Variants in GFRA2 observed in about 807,000 individuals in gnomAD.
GFRA2 encodes GDNF family receptor alpha 2.
GFRA2 carries 17 observed loss-of-function variants against 48.3 expected under a neutral mutation model. That is an observed-to-expected ratio of 0.35 (90% CI 0.24 to 0.53). The LOEUF is 0.53. GFRA2 is among the 20% of genes least tolerant of loss of function. The pLI is 0.93. For missense variants in GFRA2, 660 were observed against 637.3 expected (o/e 1.04, Z -0.38); for synonymous variants, 305 against 257.2 (o/e 1.19, Z -1.78).
intron 4 of GFRA2, among the ~76,000 whole-genome samples, chr8:21,729,494 A>C (rs1217272936): frequency 6.6e-6 from 1 of 152,118 alleles, no homozygotes; most frequent in Non-Finnish European, 1.5e-5. Flanking sequence ...TGGGCCTGGG[A>C]GACGCCCCCC....
At chr8:21,776,739 G>A in intron 2 of GFRA2, among the ~76,000 whole-genome samples, 1 of 152,116 alleles carries the variant, frequency 6.6e-6, no homozygotes, top group East Asian at 1.9e-4. Flanking sequence ...CTAAAGTGCT[G>A]GGATTACAGG....
chr8:21,756,746 G>A (rs1442786720), intron 3 of GFRA2, among the ~76,000 whole-genome samples: 1 of 152,196 alleles, frequency 6.6e-6, no homozygotes, highest in Non-Finnish European at 1.5e-5. Context: ...CAAAGGGCAG[G>A]AAATGGGGAT....
chr8:21,756,464 C>T (rs10102555), intron 3 of GFRA2, among the ~76,000 whole-genome samples: 3 of 152,184 alleles, frequency 2.0e-5, no homozygotes, highest in Middle Eastern at 3.4e-3. Context: ...AAGGAGGCAG[C>T]CTGCGCTGCG....
At chr8:21,696,953 A>C (rs1802211751) in intron 7 of GFRA2, among the ~76,000 whole-genome samples, 4 of 126,926 alleles carry the variant, frequency 3.2e-5, no homozygotes, top group East Asian at 5.0e-4. Context: ...GGGGGAGGGG[A>C]CAGAGGAAAG....
chr8:21,745,828 G>A (rs1223907073), intron 4 of GFRA2, among the ~76,000 whole-genome samples: 2 of 152,118 alleles, frequency 1.3e-5, no homozygotes, highest in East Asian at 1.9e-4. Context: ...TTCCAGGCCC[G>A]GCCCAGGGAA....
intron 4 of GFRA2, among the ~76,000 whole-genome samples, chr8:21,742,987 G>A (rs1804827703): frequency 6.6e-6 from 1 of 152,210 alleles, no homozygotes; most frequent in South Asian, 2.1e-4. Flanking sequence ...GTAAACTAGA[G>A]CTCTGATTTG....
intron 3 of GFRA2, among the ~76,000 whole-genome samples, chr8:21,759,544 G>GGAGGGAA (rs1805792066): frequency 1.2e-5 from 1 of 82,718 alleles, no homozygotes; most frequent in South Asian, 3.7e-4. Flanking sequence ...GAAGGAAGGA[G>GGAGGGAA]GGAAGGAAGG....
At chr8:21,735,361 G>A (rs1804400634) in intron 4 of GFRA2, among the ~76,000 whole-genome samples, 1 of 151,964 alleles carries the variant, frequency 6.6e-6, no homozygotes, top group Admixed American at 6.6e-5. Context: ...GAAAGATGTG[G>A]AAACCAAGCC....
chr8:21,710,533 C>G (rs578110988), intron 4 of GFRA2, among the ~76,000 whole-genome samples: 30 of 152,332 alleles, frequency 2.0e-4, no homozygotes, highest in African/African-American at 7.0e-4. Flanking sequence ...GGCCTCCTGA[C>G]CCCACCGTCC....
At position 21,782,807 on chromosome 8, in the gene GFRA2, C is replaced by G; in HGVS notation, c.133G>C (p.Glu45Gln). 6.3e-7 allele frequency: 1 copy of G among 1,579,032 alleles called. No individual in the cohort carries two copies. The highest frequency in any genetic ancestry group is 1.1e-5 in the South Asian group (1 of 87,022). The change falls in exon 2 of 9, where the codon GAG becomes CAG. Residue 45 changes from glutamate to glutamine, a missense_variant. Coordinates refer to ENST00000524240, the MANE Select transcript of GFRA2 (RefSeq NM_001495.5). ...CAGTTGGATTCGGCGGCACACAGCT[C>G]ATTGGCCCGGACACAGTCCACTGGG... is the stretch of plus-strand genomic sequence containing the variant. ...RPPVDCVRAN[E>Q]LCAAESNCSS...
At chr8:21,762,242 C>T (rs1805949878) in intron 3 of GFRA2, among the ~76,000 whole-genome samples, 1 of 152,128 alleles carries the variant, frequency 6.6e-6, no homozygotes, top group South Asian at 2.1e-4. Context: ...AACACCATAC[C>T]ATCTAGCTGG....
intron 1 of GFRA2, among the ~76,000 whole-genome samples, chr8:21,811,522 C>T (rs1807980070): frequency 6.6e-6 from 1 of 152,134 alleles, no homozygotes; most frequent in Non-Finnish European, 1.5e-5. Flanking sequence ...GGTCTGGTGC[C>T]TCCCGGGTCC....
chr8:21,706,819 C>A (rs555280030), intron 4 of GFRA2, among the ~76,000 whole-genome samples: 2 of 152,232 alleles, frequency 1.3e-5, no homozygotes, highest in Non-Finnish European at 1.5e-5. Context: ...AGTGTCTGAG[C>A]TGGGTCTGTC....
chr8:21,764,650 G>A (rs1237687520), intron 3 of GFRA2, among the ~76,000 whole-genome samples: 2 of 152,170 alleles, frequency 1.3e-5, no homozygotes, highest in Non-Finnish European at 2.9e-5. Context: ...GCTGGTGCAC[G>A]CCACATGGAC....
chr8:21,745,577 C>A (rs566167661), intron 4 of GFRA2, among the ~76,000 whole-genome samples: 7 of 152,324 alleles, frequency 4.6e-5, no homozygotes, highest in African/African-American at 1.7e-4. Context: ...TTTCCACCTG[C>A]GGTCAGAAAC....
chr8:21,761,708 G>A (rs1158579434), intron 3 of GFRA2, among the ~76,000 whole-genome samples: 1 of 152,142 alleles, frequency 6.6e-6, no homozygotes, highest in Admixed American at 6.5e-5. Flanking sequence ...CCAGCACTTT[G>A]GGAGGCCAAG....
upstream of GFRA2, chr8:21,790,147 G>C (rs1807524593): frequency 2.1e-6 from 2 of 962,802 alleles, no homozygotes; most frequent in Non-Finnish European, 2.5e-6. Context: ...GAAAGGGCTG[G>C]AGGAGAGGTG....
Position 21,753,622 on chromosome 8 carries a change from A to G in GFRA2, c.440-2680T>C, listed in dbSNP as rs557621016. 3.3e-5 allele frequency among the ~76,000 whole-genome samples: 5 copies of G among 152,320 alleles called. No homozygotes were observed. In the East Asian group the frequency reaches 9.6e-4, roughly 29 times the overall value. On this transcript the variant is annotated intron_variant, in intron 3 of 8. Transcript: ENST00000524240. ...CAACAAAGGGAGACTCTGTCTCAAA[A>G]AAAAAGAAAAAAAGAAAGAAAAGAA... is the stretch of plus-strand genomic sequence containing the variant.
upstream of GFRA2, among the ~76,000 whole-genome samples, chr8:21,790,535 G>C (rs1310594952): frequency 6.6e-6 from 1 of 152,222 alleles, no homozygotes; most frequent in Non-Finnish European, 1.5e-5. Context: ...ATTTAGGCGG[G>C]AAGGCGGCTG....
Sources: allele counts gnomAD v4.1 joint callset (sites outside exome capture counted in the v4.1 genomes callset), GRCh38; gene constraint gnomAD v4.1.1; transcripts MANE v1.5; gene names NCBI Gene and HGNC (gene_info 2026-07-23, HGNC 2026-07-21).